The following HERC5 variants were observed in gnomAD, a reference collection of about 807,000 sequenced individuals.
HERC5 encodes the protein E3 ISG15--protein ligase HERC5.
Under a neutral mutation model 119.6 loss-of-function variants are expected in HERC5, and 99 were observed. The observed-to-expected ratio is 0.83, with a 90% confidence interval of 0.70 to 0.98. The LOEUF is 0.98. Among genes scored for constraint, HERC5 ranks in the 50% least tolerant of loss-of-function variants. The probability of loss-of-function intolerance (pLI) is 0.00; values close to 1 mark genes in which losing one functional copy is unlikely to be tolerated. For synonymous variants in HERC5, 478 were observed against 445.9 expected, an observed-to-expected ratio of 1.07 and a Z score of -0.91; for missense variants, 1,267 against 1,241.3, an observed-to-expected ratio of 1.02 and a Z score of -0.31.
At chr4:88,493,549 CT>C (rs1461838924) in intron 17 of HERC5, among the ~76,000 whole-genome samples, 1 of 151,996 alleles carries the variant, frequency 6.6e-6, no homozygotes, top group African/African-American at 2.4e-5. Context: ...TGCTGGTATG[CT>C]TTTAGGAACC....
chr4:88,499,224 G>A (rs1741882661), intron 18 of HERC5, among the ~76,000 whole-genome samples: 1 of 152,182 alleles, frequency 6.6e-6, no homozygotes, highest in South Asian at 2.1e-4. Context: ...TATTGGCAGT[G>A]ATATCTTAGT....
At chr4:88,461,204 T>G (rs1473470504) in intron 3 of HERC5, among the ~76,000 whole-genome samples, 1 of 152,242 alleles carries the variant, frequency 6.6e-6, no homozygotes, top group African/African-American at 2.4e-5. Flanking sequence ...GAACTTGTAT[T>G]GGAAGAAATT....
chr4:88,472,539 C>T (rs147100883), intron 11 of HERC5, 37 bp downstream of exon 11: 13 of 1,164,808 alleles, frequency 1.1e-5, no homozygotes, highest in Non-Finnish European at 1.5e-5. Context: ...AGAAAATACA[C>T]CAGAATATTT....
chr4:88,458,579 T>A (rs533103901), intron 1 of HERC5, among the ~76,000 whole-genome samples: 1 of 152,202 alleles, frequency 6.6e-6, no homozygotes, highest in Non-Finnish European at 1.5e-5. Flanking sequence ...GTTAGTCTGC[T>A]GGACCATTTC....
rs1741699438 is a variant in HERC5 at position 88,493,175 on chromosome 4, C to T, written c.2277+20C>T. On this transcript the variant is annotated intron_variant, in intron 17 of 22. Transcript: ENST00000264350. ...GTCAAGGTAAGTTCCCTCTTCTTTG[C>T]TTAAGGTATTTTGCGACAGAAAAAG... The T allele has an allele frequency of 6.2e-7, 1 of 1,611,000 alleles. No individual in the cohort carries two copies.
chr4:88,483,687 C>G (rs1741363387), intron 13 of HERC5, among the ~76,000 whole-genome samples: 1 of 151,988 alleles, frequency 6.6e-6, no homozygotes, highest in Non-Finnish European at 1.5e-5. Flanking sequence ...TGCCACCCCA[C>G]TTGGCTAATT....
chr4:88,505,986 G>A lies in HERC5; in HGVS notation c.*108G>A. The A allele has an allele frequency of 1.2e-6, 1 of 845,534 alleles. No homozygotes were observed. The highest frequency in any genetic ancestry group is 1.8e-6 in the Non-Finnish European group (1 of 542,598). The allele number at this position is 845,534 out of a possible 1,614,324, so 52.4% of individuals were successfully genotyped here. On this transcript the variant is annotated 3_prime_UTR_variant, in exon 23 of 23. Coordinates refer to ENST00000264350, the MANE Select transcript of HERC5 (RefSeq NM_016323.4). ...TGTTTTAGGCTTTTAGCAGCCTGAA[G>A]CCATGGTTTTTCATTTCTGTCTCTA... is the stretch of plus-strand genomic sequence containing the variant.
At chr4:88,464,120 TTTAG>T in intron 6 of HERC5, 135 bp downstream of exon 6, 3 of 643,108 alleles carry the variant, frequency 4.7e-6, no homozygotes, top group Non-Finnish European at 7.2e-6. Flanking sequence ...ATTTATATTA[TTTAG>T]ATAAATGTAA....
chr4:88,499,665 T>C (rs1349341786), intron 18 of HERC5, among the ~76,000 whole-genome samples: 1 of 152,178 alleles, frequency 6.6e-6, no homozygotes, highest in African/African-American at 2.4e-5. Context: ...CTACAATCAT[T>C]AGGTAGGGAA....
intron 22 of HERC5, 48 bp downstream of exon 22, chr4:88,504,645 T>C: frequency 1.7e-6 from 2 of 1,203,428 alleles, no homozygotes; most frequent in East Asian, 2.5e-5. Flanking sequence ...GTCTTTTTAA[T>C]GGGATAAAAA....
Position 88,500,897 on chromosome 4 carries a change from G to T in HERC5, c.2512-18G>T, listed in dbSNP as rs1349314223. On this transcript the variant is annotated intron_variant, in intron 19 of 22. Transcript: ENST00000264350. ...GAATTATGTTGGAGATATTATCTGA[G>T]TTCATTTGCGGTTACAGGTGCACTG... The T allele has an allele frequency of 6.3e-7, 1 of 1,588,996 alleles. No individual in the cohort carries two copies.
chr4:88,461,992 C>CAGACAT, intron 3 of HERC5, 143 bp from the exon 4 acceptor site: 1 of 677,494 alleles, frequency 1.5e-6, no homozygotes, highest in Non-Finnish European at 2.5e-6. Context: ...TTTTCTGTGG[C>CAGACAT]AGACATAGGG....
intron 13 of HERC5, among the ~76,000 whole-genome samples, chr4:88,483,096 T>C (rs1741334715): frequency 6.6e-6 from 1 of 152,192 alleles, no homozygotes; most frequent in African/African-American, 2.4e-5. Flanking sequence ...TGATGTTAAA[T>C]AGAAGTGGGG....
chr4:88,461,115 A>G (rs1740425927), intron 3 of HERC5, among the ~76,000 whole-genome samples: 1 of 152,266 alleles, frequency 6.6e-6, no homozygotes, highest in Non-Finnish European at 1.5e-5. Flanking sequence ...TAAACTGAAT[A>G]GAATCTGGGA....
In HERC5 at chr4:88,479,349, T is replaced by G; in HGVS notation, c.1583-4T>G. ...AAAAAATTTGCTTTCCTTGTGTTCCTCAGAAGAGTATTGGGCAACTCTGCA... is the reference window on the plus strand; with the variant it reads ...AAAAAATTTGCTTTCCTTGTGTTCCGCAGAAGAGTATTGGGCAACTCTGCA... On this transcript the variant is annotated splice_region_variant and splice_polypyrimidine_tract_variant and intron_variant, in intron 12 of 22. Coordinates refer to ENST00000264350, the MANE Select transcript of HERC5 (RefSeq NM_016323.4). 7 of 1,569,906 alleles carry G rather than the reference T, an allele frequency of 4.5e-6. No individual in the cohort carries two copies. Among genetic ancestry groups the G allele is most frequent in the Non-Finnish European group, 6.0e-6 (7 of 1,164,342 alleles).
At chr4:88,496,231 C>G (rs1302037580) in intron 18 of HERC5, among the ~76,000 whole-genome samples, 1 of 152,156 alleles carries the variant, frequency 6.6e-6, no homozygotes, top group Admixed American at 6.5e-5. Flanking sequence ...ATTTTGAGAA[C>G]CAGTGATCTC....
At chr4:88,490,091 A>G (rs982561408) in intron 16 of HERC5, among the ~76,000 whole-genome samples, 2 of 152,194 alleles carry the variant, frequency 1.3e-5, no homozygotes, top group Non-Finnish European at 2.9e-5. Context: ...TTGGGGTATA[A>G]TTGTAGATTT....
rs1740193214 is a variant in HERC5, at chr4:88,457,422, G to A, written c.153G>A (p.Glu51=). The change falls in exon 1 of 23, where the codon GAG becomes GAA. Residue 51 remains glutamate, a synonymous_variant. Transcript: ENST00000264350. ...GLHRALLRRV[E]VTRQLCCSPG... is the part of the protein sequence containing the mutation. ...ACCGCGCGCTGCTCCGGAGGGTGGA[G>A]GTGACGCGCCAACTCTGCTGCTCGC... 3 of 1,373,134 alleles carry A rather than the reference G, an allele frequency of 2.2e-6. No individual in the cohort carries two copies. The highest frequency in any genetic ancestry group is 2.9e-5 in the East Asian group (1 of 34,260). The allele number at this position is 1,373,134 out of a possible 1,614,324, so 85.1% of individuals were successfully genotyped here. A position where few individuals can be genotyped will look rare whatever the true frequency, so the allele number is the denominator to read the frequency against.
intron 1 of HERC5, among the ~76,000 whole-genome samples, chr4:88,458,639 C>T (rs774915950): frequency 1.4e-4 from 22 of 152,122 alleles, no homozygotes; most frequent in Admixed American, 4.6e-4. Flanking sequence ...ATGGTTTGTG[C>T]TTTGAGATTT....
Sources: gnomAD v4.1 joint callset for allele counts (sites outside exome capture counted in the v4.1 genomes callset) on GRCh38, gnomAD v4.1.1 for gene constraint, MANE v1.5 for transcripts, NCBI Gene and HGNC (gene_info 2026-07-23, HGNC 2026-07-21) for gene names.